The following RNF144A variants were observed in gnomAD, a reference collection of about 807,000 sequenced individuals.
RNF144A encodes ring finger protein 144A.
Under a neutral mutation model 38.7 loss-of-function variants are expected in RNF144A, and 11 were observed. The observed-to-expected ratio is 0.28, with a 90% CI of 0.18 to 0.47. The LOEUF is 0.47. RNF144A is among the 20% of genes least tolerant of loss of function. The pLI is 0.99. For synonymous variants in RNF144A, 149 were observed against 143.9 expected, an observed-to-expected ratio of 1.04 and a Z score of -0.25; for missense variants, 316 against 377.2, an observed-to-expected ratio of 0.84 and a Z score of 1.34.
intron 2 of RNF144A, among the ~76,000 whole-genome samples, chr2:6,991,270 G>A (rs1669356638): frequency 6.6e-6 from 1 of 152,168 alleles, no homozygotes; most frequent in South Asian, 2.1e-4. Context: ...CAGCGTCCAA[G>A]TACTTTCCTA....
At chr2:6,945,616 G>C (rs1179992475) in intron 2 of RNF144A, among the ~76,000 whole-genome samples, 2 of 152,180 alleles carry the variant, frequency 1.3e-5, no homozygotes, top group African/African-American at 4.8e-5. Flanking sequence ...AGCATTTAAT[G>C]AGCATCCATG....
At chr2:6,960,835 G>C (rs1042730233) in intron 2 of RNF144A, among the ~76,000 whole-genome samples, 1 of 152,158 alleles carries the variant, frequency 6.6e-6, no homozygotes, top group African/African-American at 2.4e-5. Context: ...ACACTCATAA[G>C]TGGTTTGTTT....
intron 1 of RNF144A, among the ~76,000 whole-genome samples, chr2:6,925,834 C>T (rs1488159129): frequency 6.6e-6 from 1 of 151,934 alleles, no homozygotes; most frequent in East Asian, 1.9e-4. Flanking sequence ...TTCAATATAT[C>T]CTTTGGGGGA....
At chr2:6,970,052 G>A (rs1667909176) in intron 2 of RNF144A, among the ~76,000 whole-genome samples, 2 of 152,210 alleles carry the variant, frequency 1.3e-5, no homozygotes, top group Admixed American at 6.5e-5. Context: ...AAGCCACCGC[G>A]CCTGGCCAAA....
downstream of RNF144A, among the ~76,000 whole-genome samples, chr2:7,071,526 A>G (rs1376658770): frequency 1.3e-5 from 2 of 152,186 alleles, no homozygotes; most frequent in Non-Finnish European, 2.9e-5. Context: ...ATTTGGCTCA[A>G]TTTCTCAATT....
rs1223472302 is a variant in RNF144A, at chr2:6,941,959, G to A, written c.-12+812G>A. ...GTGCCTGCCATTGCAGGCTGTGGGG[G>A]AATTCTAGGTTCATGATGGGATATC... On this transcript the variant is annotated intron_variant, in intron 2 of 8. Transcript: ENST00000320892. The surrounding 1 kb of genome is among the most constrained non-coding windows in gnomAD (Gnocchi z 6.5). 6.6e-6 allele frequency among the ~76,000 whole-genome samples: 1 copy of A among 152,258 alleles called. No homozygotes were observed. The highest frequency in any genetic ancestry group is 1.5e-5 in the Non-Finnish European group (1 of 68,050).
At chr2:7,005,601 C>A (rs1670386048) in intron 3 of RNF144A, among the ~76,000 whole-genome samples, 1 of 152,192 alleles carries the variant, frequency 6.6e-6, no homozygotes, top group Non-Finnish European at 1.5e-5. Flanking sequence ...CAAGTCTGTT[C>A]CGTGTTCCCA....
chr2:7,047,585 C>T (rs983218684), downstream of RNF144A, among the ~76,000 whole-genome samples: 16 of 151,612 alleles, frequency 1.1e-4, no homozygotes, highest in Non-Finnish European at 2.2e-4. Flanking sequence ...GTCCCTCTCA[C>T]AACATGTGGG....
Position 7,041,143 on chromosome 2 carries a change from A to G in RNF144A, c.*1383A>G. On this transcript the variant is annotated 3_prime_UTR_variant, in exon 9 of 9. Transcript: ENST00000320892. ...AATAACAGGCAAATATTGTAGCTAT[A>G]TTACAGTGGGATTTTAAAAATCTTG... 1.0e-5 allele frequency: 10 copies of G among 980,888 alleles called. No individual in the cohort carries two copies. Among genetic ancestry groups the G allele is most frequent in the Non-Finnish European group, 1.2e-5 (10 of 825,810 alleles). The allele number at this position is 980,888 out of a possible 1,614,324, so 60.8% of individuals were successfully genotyped here. A position where few individuals can be genotyped will look rare whatever the true frequency, so the allele number is the denominator to read the frequency against.
intron 8 of RNF144A, among the ~76,000 whole-genome samples, chr2:7,038,680 T>C (rs1290113540): frequency 6.6e-6 from 1 of 152,034 alleles, no homozygotes; most frequent in Non-Finnish European, 1.5e-5. Flanking sequence ...GGTGGATGGA[T>C]ATATAGTGGG....
intron 5 of RNF144A, 87 bp from the exon 6 acceptor site, chr2:7,020,386 G>C: frequency 8.5e-7 from 1 of 1,175,278 alleles, no homozygotes; most frequent in Non-Finnish European, 1.2e-6. Flanking sequence ...GTTCCTCCCT[G>C]TCCGTGCACT....
At chr2:6,960,212 CCT>C (rs1667251661) in intron 2 of RNF144A, among the ~76,000 whole-genome samples, 1 of 152,186 alleles carries the variant, frequency 6.6e-6, no homozygotes, top group Non-Finnish European at 1.5e-5. Flanking sequence ...CCTTATTTTC[CCT>C]CGGAGTAGAC....
At chr2:7,008,614 G>A (rs72781782) in intron 3 of RNF144A, among the ~76,000 whole-genome samples, 8,304 of 152,222 alleles carry the variant, frequency 0.055, 270 homozygotes, top group Middle Eastern at 0.078. Flanking sequence ...CTGTCCCCCC[G>A]GGCCAGATGC....
chr2:7,020,509 C>G lies in RNF144A; in HGVS notation c.338C>G (p.Ala113Gly). The change falls in exon 6 of 9, where the codon GCG becomes GGG. Residue 113 changes from alanine (A) to glycine (G), a missense_variant. Transcript: ENST00000320892. The stretch of plus-strand genomic sequence containing the variant: ...GATCCCTGTCGGACTTGGTGCCCGG[C>G]GTCCACCTGCCAAGCTGTGTGTCAG... ...LFDPCRTWCP[A>G]STCQAVCQLQ... is the part of the protein sequence containing the mutation. The G allele has an allele frequency of 6.2e-7, 1 of 1,613,716 alleles. No individual in the cohort carries two copies. The highest frequency in any genetic ancestry group is 8.5e-7 in the Non-Finnish European group (1 of 1,180,000).
intron 2 of RNF144A, among the ~76,000 whole-genome samples, chr2:6,995,250 A>T (rs961166639): frequency 2.0e-5 from 3 of 151,908 alleles, no homozygotes; most frequent in African/African-American, 7.3e-5. Context: ...TGACCCTGGG[A>T]ATAAGCTACT....
intron 5 of RNF144A, among the ~76,000 whole-genome samples, chr2:7,017,169 C>T (rs1373763652): frequency 2.6e-5 from 4 of 152,178 alleles, no homozygotes; most frequent in Non-Finnish European, 5.9e-5. Context: ...GTGCTAAGGG[C>T]GTTGCTGTGC....
At chr2:6,946,397 A>AG (rs1666345406) in intron 2 of RNF144A, among the ~76,000 whole-genome samples, 1 of 152,052 alleles carries the variant, frequency 6.6e-6, no homozygotes, top group African/African-American at 2.4e-5. Context: ...TTTAAACCTG[A>AG]CCTTACTGAT....
chr2:7,031,953 G>T, intron 8 of RNF144A, among the ~76,000 whole-genome samples: 1 of 152,410 alleles, frequency 6.6e-6, no homozygotes, highest in South Asian at 2.1e-4. Flanking sequence ...GGAAGTGACT[G>T]TGGTGATGGT....
At chr2:6,922,708 T>C (rs571224530) in intron 1 of RNF144A, among the ~76,000 whole-genome samples, 3 of 150,774 alleles carry the variant, frequency 2.0e-5, no homozygotes, top group South Asian at 4.2e-4. Context: ...CACTGCAAGC[T>C]CCGCCTCCTG....
Sources: gnomAD v4.1 joint callset for allele counts (sites outside exome capture counted in the v4.1 genomes callset) on GRCh38, gnomAD v4.1.1 for gene constraint, Gnocchi (gnomAD v3.1) non-coding constraint, MANE v1.5 for transcripts, NCBI Gene and HGNC (gene_info 2026-07-23, HGNC 2026-07-21) for gene names.